Variants in PAK4 observed in about 807,000 individuals in gnomAD.
The protein encoded by PAK4 is p21 (RAC1) activated kinase 4, also known as serine/threonine-protein kinase PAK 4.
A neutral mutation model predicts 53.5 loss-of-function variants in PAK4; 49 were observed. The ratio of observed to expected loss-of-function variants is 0.92; its 90% CI spans 0.73 to 1.16. PAK4 has a LOEUF of 1.16. Among genes scored for constraint, PAK4 ranks in the 50% most tolerant of loss-of-function variants. The probability of loss-of-function intolerance (pLI) is 0.00; values close to 1 mark genes in which losing one functional copy is unlikely to be tolerated. For synonymous variants in PAK4, 376 were observed against 375.6 expected (o/e 1.00, Z -0.01); for missense variants, 824 against 850.7 (o/e 0.97, Z 0.39).
chr19:39,169,461 GAC>G, intron 1 of PAK4, 69 bp from the exon 3 acceptor site: 1 of 1,120,714 alleles, frequency 8.9e-7, no homozygotes, highest in Non-Finnish European at 1.3e-6. Flanking sequence ...GGATGGGAGG[GAC>G]AGAGCAGGGG....
At chr19:39,149,061 C>T (rs1306468797) in intron 1 of PAK4, among the ~76,000 whole-genome samples, 5 of 152,136 alleles carry the variant, frequency 3.3e-5, no homozygotes, top group Non-Finnish European at 4.4e-5. Flanking sequence ...ATTGGAGCCC[C>T]GTGCATTGCT....
Position 39,169,774 on chromosome 19 carries a change from A to G in PAK4, c.204+17A>G. 3 of 1,481,720 alleles carry G rather than the reference A, an allele frequency of 2.0e-6. No individual in the cohort carries two copies. Among genetic ancestry groups the G allele is most frequent in the Admixed American group, 3.7e-5 (2 of 54,504 alleles). The allele number at this position is 1,481,720 out of a possible 1,614,324, so 91.8% of individuals were successfully genotyped here. ...GCCCCCAAGGTATGTGGCACCCACC[A>G]CCACCTCCCCCAGCCCACCCCAACC... On this transcript the variant is annotated intron_variant, in intron 2 of 8. Coordinates refer to ENST00000358301, the Ensembl canonical transcript of PAK4.
chr19:39,152,305 A>G (rs1020105716), intron 1 of PAK4: 13 of 151,798 alleles, frequency 8.6e-5, no homozygotes, highest in African/African-American at 1.9e-4. Context: ...CCACATATCC[A>G]TGGTGTATGT....
chr19:39,177,889 G>A (rs767660349), intron 8 of PAK4, 80 bp downstream of exon 9: 135 of 1,486,342 alleles, frequency 9.1e-5, no homozygotes, highest in Non-Finnish European at 1.2e-4. Flanking sequence ...GTGTGGATGG[G>A]ATGGGGACAA....
At chr19:39,182,285 T>C (rs944390250), downstream of PAK4, 5 of 152,242 alleles carry the variant, frequency 3.3e-5, no homozygotes, top group Non-Finnish European at 7.3e-5. Context: ...TTGCCATTGC[T>C]TCACTGGCCA....
chr19:39,159,176 G>C (rs899528933), intron 1 of PAK4, among the ~76,000 whole-genome samples: 3 of 152,128 alleles, frequency 2.0e-5, no homozygotes, highest in African/African-American at 7.2e-5. Flanking sequence ...CCAGTACCTG[G>C]GACTGGGCAG....
intron 1 of PAK4, among the ~76,000 whole-genome samples, chr19:39,155,282 A>C (rs766111603): frequency 3.9e-5 from 6 of 152,264 alleles, no homozygotes; most frequent in Non-Finnish European, 8.8e-5. Flanking sequence ...CTGAACTATC[A>C]GGGCCTCCCA....
chr19:39,141,356 C>T (rs1254062327), intron 1 of PAK4, among the ~76,000 whole-genome samples: 1 of 151,624 alleles, frequency 6.6e-6, no homozygotes, highest in East Asian at 1.9e-4. Flanking sequence ...CACTCTGTCA[C>T]CCAGGCTGGA....
At chr19:39,136,506 C>T (rs2073818136) in intron 1 of PAK4, 1 of 152,314 alleles carries the variant, frequency 6.6e-6, no homozygotes. Flanking sequence ...CAGTGGCCCC[C>T]TTGGGGAGAT....
Position 39,175,482 on chromosome 19 carries a change from C to T in PAK4, c.1359+44C>T. On this transcript the variant is annotated intron_variant, in intron 6 of 8. Transcript: ENST00000358301. This position sits in a 1 kb window ranked among gnomAD's most constrained non-coding sequence, Gnocchi z 4.7. ...GGGTACGGGGGCGGCAGGTTTCCGGCTGCGGGGCTTCCCTGCCTCTTCCCA... is the reference window on the plus strand; with the variant it reads ...GGGTACGGGGGCGGCAGGTTTCCGGTTGCGGGGCTTCCCTGCCTCTTCCCA... 4 of 1,557,076 alleles carry T rather than the reference C, an allele frequency of 2.6e-6. No homozygotes were observed. The highest frequency in any genetic ancestry group is 3.5e-6 in the Non-Finnish European group (4 of 1,146,678).
At chr19:39,153,239 C>T (rs11879084) in intron 1 of PAK4, among the ~76,000 whole-genome samples, 2,834 of 152,222 alleles carry the variant, frequency 0.019, 94 homozygotes, top group African/African-American at 0.065. Flanking sequence ...CCTCCCTTCC[C>T]CCAGAAGCAT....
At position 39,175,263 on chromosome 19, in the gene PAK4, C is replaced by T. The variant is rs75544509; in HGVS notation, c.1233-49C>T. On this transcript the variant is annotated intron_variant, in intron 5 of 8. Coordinates refer to ENST00000358301, the Ensembl canonical transcript of PAK4. The surrounding 1 kb of genome is among the most constrained non-coding windows in gnomAD (Gnocchi z 4.7). The stretch of plus-strand genomic sequence containing the variant: ...AGGCAGGGCTGCGTCCCCCTCGGCA[C>T]CCCGGGGTGCTGTCCAGCTGGCTGC... 118 of 1,540,852 alleles carry T rather than the reference C, an allele frequency of 7.7e-5. No individual in the cohort carries two copies. The East Asian group carries it at 2.7e-3, about 36-fold the overall frequency.
chr19:39,139,843 C>A lies in PAK4; in HGVS notation c.-23+13924C>A, dbSNP rs1034038378. Among the ~76,000 whole-genome samples the A allele has an allele frequency of 2.6e-5, 4 of 152,098 alleles. No individual in the cohort carries two copies. The South Asian group carries it at 8.3e-4, about 31-fold the overall frequency. On this transcript the variant is annotated intron_variant, in intron 1 of 8. Coordinates refer to ENST00000358301, the Ensembl canonical transcript of PAK4. ...TTGGGGTTTTTTAATGCTCCCCTGG[C>A]GACTCTGACATGCTTCTGAGCTGGA... is the stretch of plus-strand genomic sequence containing the variant.
exon 7 of PAK4, chr19:39,176,688 C>T (rs1383150565): frequency 6.2e-7 from 1 of 1,611,716 alleles, no homozygotes; most frequent in Non-Finnish European, 8.5e-7. Flanking sequence ...CCCCAGAGCT[C>T]ATCTCCCGCC....
intron 1 of PAK4, among the ~76,000 whole-genome samples, chr19:39,159,447 G>A (rs138062921): frequency 0.012 from 1,799 of 152,236 alleles, 12 homozygotes; most frequent in Non-Finnish European, 0.018. Flanking sequence ...GTGCAGTGGC[G>A]TGATCTTGAC....
chr19:39,164,258 CA>C (rs2074331974), intron 1 of PAK4, among the ~76,000 whole-genome samples: 1 of 99,674 alleles, frequency 1.0e-5, no homozygotes, highest in African/African-American at 3.9e-5. Context: ...GCCTGGGCAA[CA>C]AGAGTGAAAC....
At chr19:39,139,545 C>G (rs2073876792) in intron 1 of PAK4, among the ~76,000 whole-genome samples, 1 of 152,148 alleles carries the variant, frequency 6.6e-6, no homozygotes, top group Non-Finnish European at 1.5e-5. Context: ...TCCTTGCATT[C>G]CTCAGCAGGC....
At chr19:39,139,025 C>A (rs941628244) in intron 1 of PAK4, among the ~76,000 whole-genome samples, 1 of 152,166 alleles carries the variant, frequency 6.6e-6, no homozygotes, top group African/African-American at 2.4e-5. Flanking sequence ...ACAGCCGATT[C>A]CTCCCCTGAT....
chr19:39,158,018 ATGTG>A (rs1168314486), intron 1 of PAK4, among the ~76,000 whole-genome samples: 6 of 151,932 alleles, frequency 3.9e-5, no homozygotes, highest in African/African-American at 1.2e-4. Context: ...GTGTGTATGC[ATGTG>A]TGTGAGTGTG....
Sources: gnomAD v4.1 joint callset for allele counts (sites outside exome capture counted in the v4.1 genomes callset) on GRCh38, gnomAD v4.1.1 for gene constraint, Gnocchi (gnomAD v3.1) non-coding constraint, MANE v1.5 for transcripts, NCBI Gene and HGNC (gene_info 2026-07-23, HGNC 2026-07-21) for gene names.